Variants in MORC3 observed in about 807,000 individuals in gnomAD.
MORC3 encodes the protein MORC family CW-type zinc finger 3.
Under a neutral mutation model 109.1 loss-of-function variants are expected in MORC3, and 31 were observed. The ratio of observed to expected loss-of-function variants is 0.28; its 90% CI spans 0.21 to 0.38. MORC3 has a LOEUF of 0.38. MORC3 is among the 10% of genes least tolerant of loss of function. The probability of loss-of-function intolerance (pLI) is 1.00; values close to 1 mark genes in which losing one functional copy is unlikely to be tolerated. For missense variants in MORC3, 867 were observed against 1,135.8 expected (o/e 0.76, Z 3.40); for synonymous variants, 395 against 380.7 (o/e 1.04, Z -0.44).
At position 36,356,636 on chromosome 21, in the gene MORC3, C is replaced by G; in HGVS notation, c.1120C>G (p.Leu374Val). ...TNEYRLTITALGEKLNDYWNE... is the reference protein window; with the variant it reads ...TNEYRLTITAVGEKLNDYWNE... ...CTTTTTAAGACTTACAATAACAGCA[C>G]TAGGAGAAAAGCTGAATGATTACTG... Residue 374 changes from leucine (L) to valine (V), a missense_variant, in exon 10 of 17, where the codon CTA becomes GTA. This residue lies in a region of MORC3 where 120 missense variants were observed against 259.7 expected (regional missense o/e 0.46). Transcript: ENST00000400485. 1 of 1,595,058 alleles carries G rather than the reference C, an allele frequency of 6.3e-7. No individual in the cohort carries two copies. The highest frequency in any genetic ancestry group is 8.5e-7 in the Non-Finnish European group (1 of 1,172,790).
chr21:36,356,861 T>G (rs1032357109), intron 10 of MORC3, 137 bp downstream of exon 10: 1 of 500,656 alleles, frequency 2.0e-6, no homozygotes, highest in Admixed American at 4.0e-5. Context: ...ATTAGCGCAC[T>G]GCAAAATCAG....
chr21:36,322,831 A>G (rs1284933333), intron 1 of MORC3, among the ~76,000 whole-genome samples: 1 of 151,984 alleles, frequency 6.6e-6, no homozygotes, highest in Admixed American at 6.6e-5. Context: ...TTTTTTTCAG[A>G]AATGCTGCTG....
At chr21:36,364,923 A>G (rs1218225742) in intron 14 of MORC3, among the ~76,000 whole-genome samples, 1 of 151,834 alleles carries the variant, frequency 6.6e-6, no homozygotes, top group Non-Finnish European at 1.5e-5. Flanking sequence ...GTGGCGTTAC[A>G]TGCCTGTAAT....
intron 5 of MORC3, chr21:36,339,126 A>C: frequency 1.9e-6 from 1 of 537,600 alleles, no homozygotes; most frequent in East Asian, 3.9e-5. Context: ...TGTTAAAAAA[A>C]ATTTTTTTTT....
intron 8 of MORC3, among the ~76,000 whole-genome samples, chr21:36,347,397 T>C (rs2085521283): frequency 6.6e-6 from 1 of 152,258 alleles, no homozygotes; most frequent in Non-Finnish European, 1.5e-5. Context: ...AACCAAGATA[T>C]ATAGCCCATT....
In MORC3 at chr21:36,372,531, G is replaced by A; in HGVS notation, c.2666G>A (p.Ser889Asn). ...TCTGTAAATCATATGGATGGAGAAAGGTAATATTAAATGAGGCGTTTTTGT... is the reference window on the plus strand; with the variant it reads ...TCTGTAAATCATATGGATGGAGAAAAGTAATATTAAATGAGGCGTTTTTGT... The part of the protein sequence containing the change: ...EESVNHMDGE[S>N]LKLRSLRVNV... Residue 889 changes from serine (S) to asparagine (N), a missense_variant and splice_region_variant, in exon 16 of 17, where the codon AGC becomes AAC. Around this residue, in one of 7 missense-constraint regions of MORC3, gnomAD observed 486 missense variants for 502.1 expected, o/e 0.97. Coordinates refer to ENST00000400485, the MANE Select transcript of MORC3 (RefSeq NM_015358.3). 1 of 1,574,486 alleles carries A rather than the reference G, an allele frequency of 6.4e-7. No homozygotes were observed. The highest frequency in any genetic ancestry group is 8.6e-7 in the Non-Finnish European group (1 of 1,168,790).
chr21:36,357,971 C>T (rs1391173116), intron 10 of MORC3, among the ~76,000 whole-genome samples: 7 of 151,354 alleles, frequency 4.6e-5, no homozygotes, highest in Non-Finnish European at 1.0e-4. Context: ...GAACTCCTGA[C>T]CTCAGGTGAT....
At chr21:36,322,616 C>T (rs1219616911) in intron 1 of MORC3, among the ~76,000 whole-genome samples, 2 of 152,172 alleles carry the variant, frequency 1.3e-5, no homozygotes, top group Non-Finnish European at 2.9e-5. Context: ...AGGTGATCCT[C>T]CTGCCTTGGC....
chr21:36,374,687 C>T (rs1303666229), intron 16 of MORC3, among the ~76,000 whole-genome samples: 3 of 152,128 alleles, frequency 2.0e-5, no homozygotes, highest in Non-Finnish European at 2.9e-5. Context: ...TCCAGCTACT[C>T]AGGAGGCTGA....
chr21:36,358,108 C>T (rs911478103), intron 10 of MORC3, among the ~76,000 whole-genome samples: 4 of 151,896 alleles, frequency 2.6e-5, no homozygotes, highest in Non-Finnish European at 5.9e-5. Flanking sequence ...AGGCCAGGTA[C>T]GTTGGATCAC....
chr21:36,347,539 G>T (rs1055783014), intron 8 of MORC3, among the ~76,000 whole-genome samples: 1 of 152,160 alleles, frequency 6.6e-6, no homozygotes, highest in African/African-American at 2.4e-5. Context: ...TTTGCATTCT[G>T]TGGATTCGGT....
Position 36,372,383 on chromosome 21 carries a change from C to T in MORC3, c.2518C>T (p.Leu840=). ...RDQYKSEVEL[L]EMEKSQIRSQ... is the part of the protein sequence containing the mutation. ...TTTATATTTTTGTTAGGTTGAATTG[C>T]TGGAAATGGAAAAGTCACAAATCCG... The change falls in exon 16 of 17, where the codon CTG becomes TTG. Residue 840 remains leucine (L), a synonymous_variant. Coordinates refer to ENST00000400485, the MANE Select transcript of MORC3 (RefSeq NM_015358.3). 1.9e-6 allele frequency: 3 copies of T among 1,566,524 alleles called. No individual in the cohort carries two copies. The highest frequency in any genetic ancestry group is 1.7e-6 in the Non-Finnish European group (2 of 1,164,370).
intron 1 of MORC3, among the ~76,000 whole-genome samples, chr21:36,322,641 C>T (rs116384558): frequency 5.5e-4 from 83 of 152,222 alleles, no homozygotes; most frequent in Middle Eastern, 3.4e-3. Context: ...TAAAGCACTG[C>T]GATTACAGGC....
chr21:36,358,636 T>A (rs909513017), intron 10 of MORC3, among the ~76,000 whole-genome samples: 7 of 151,886 alleles, frequency 4.6e-5, no homozygotes, highest in African/African-American at 1.7e-4. Flanking sequence ...ATTAAAAAAA[T>A]AAAAGAATAT....
At chr21:36,344,201 C>T (rs912627938) in intron 6 of MORC3, among the ~76,000 whole-genome samples, 5 of 150,846 alleles carry the variant, frequency 3.3e-5, no homozygotes, top group African/African-American at 1.2e-4. Flanking sequence ...GATCTCGGCT[C>T]ACTGCAGCCT....
At chr21:36,324,467 C>T (rs1468390951) in intron 1 of MORC3, among the ~76,000 whole-genome samples, 4 of 151,060 alleles carry the variant, frequency 2.6e-5, no homozygotes, top group Non-Finnish European at 4.4e-5. Context: ...TTAGTAGAGA[C>T]GGGGTTTCAC....
intron 9 of MORC3, among the ~76,000 whole-genome samples, chr21:36,353,755 ATTTTT>A (rs1202729285): frequency 2.4e-4 from 17 of 71,006 alleles, no homozygotes; most frequent in Admixed American, 6.3e-4. Flanking sequence ...TAATTTTTGT[ATTTTT>A]TTTTTTTTTT....
At chr21:36,342,338 A>G (rs1304168568) in intron 6 of MORC3, among the ~76,000 whole-genome samples, 1 of 152,162 alleles carries the variant, frequency 6.6e-6, no homozygotes, top group Admixed American at 6.5e-5. Flanking sequence ...AGGTACATTA[A>G]TATAATTTTG....
At chr21:36,364,713 A>G (rs991726453) in intron 14 of MORC3, among the ~76,000 whole-genome samples, 6 of 145,190 alleles carry the variant, frequency 4.1e-5, no homozygotes, top group Non-Finnish European at 9.3e-5. Context: ...TTGAATTTCT[A>G]TATAGTATGA....
Sources: gnomAD v4.1 joint callset for allele counts (sites outside exome capture counted in the v4.1 genomes callset) on GRCh38, gnomAD v4.1.1 for gene constraint, gnomAD v4.1.1 regional missense constraint, MANE v1.5 for transcripts, NCBI Gene and HGNC (gene_info 2026-07-23, HGNC 2026-07-21) for gene names.